AARS1: variants seen among roughly 807,000 people sequenced by gnomAD.
AARS1 encodes alanyl-tRNA synthetase 1.
Under a neutral mutation model 108.9 loss-of-function variants are expected in AARS1, and 72 were observed. The ratio of observed to expected loss-of-function variants is 0.66; its 90% CI spans 0.55 to 0.80. The LOEUF is 0.80. Among genes scored for constraint, AARS1 ranks in the 30% least tolerant of loss-of-function variants. AARS1 has a pLI of 0.00. For synonymous variants in AARS1, 489 were observed against 465.7 expected (o/e 1.05, Z -0.64); for missense variants, 1,193 against 1,233.2 (o/e 0.97, Z 0.49).
intron 3 of AARS1, 43 bp downstream of exon 3, chr16:70,276,923 C>T: frequency 6.2e-7 from 1 of 1,602,646 alleles, no homozygotes; most frequent in Admixed American, 1.7e-5. Flanking sequence ...TGGAAAAGAC[C>T]ATTTTCCTCA....
intron 7 of AARS1, 125 bp from the exon 8 acceptor site, chr16:70,268,504 G>A (rs755821203): frequency 2.7e-6 from 2 of 736,810 alleles, no homozygotes; most frequent in Non-Finnish European, 4.6e-6. Flanking sequence ...TGCTTCTTTC[G>A]CATTCCCCAA....
rs375747367 is a variant in AARS1 at position 70,254,750 on chromosome 16, G to A, written c.2287-16C>T. ...TCCTGAGGGCCTGGGAGGGGACACC[G>A]GGTCAACCCCAAGCAGGAGGTCTGA... On this transcript the variant is annotated splice_polypyrimidine_tract_variant and intron_variant, in intron 16 of 20. Coordinates refer to ENST00000261772, the MANE Select transcript of AARS1 (RefSeq NM_001605.3). 270 of 1,548,210 alleles carry A rather than the reference G, an allele frequency of 1.7e-4. No homozygotes were observed. The highest frequency in any genetic ancestry group is 5.6e-4 in the East Asian group (25 of 44,518).
rs1485992879 is a variant in AARS1 at position 70,282,759 on chromosome 16, T to C, written c.5A>G (p.Asp2Gly). 6.8e-6 allele frequency: 11 copies of C among 1,613,302 alleles called. No individual in the cohort carries two copies. Among genetic ancestry groups the C allele is most frequent in the Middle Eastern group, 1.6e-4 (1 of 6,082 alleles). The change falls in exon 2 of 21, where the codon GAC becomes GGC. Residue 2 changes from aspartate to glycine, a missense_variant. Coordinates refer to ENST00000261772, the MANE Select transcript of AARS1 (RefSeq NM_001605.3). Reference protein sequence around the residue: MDSTLTASEIRQ... With the variant: MGSTLTASEIRQ... ...GATTTCACTTGCTGTTAGAGTAGAG[T>C]CCATCTTGAAAGTCACCCCAAAGAA...
At position 70,288,982 on chromosome 16, in the gene AARS1, AG is replaced by A. The variant is rs941932871; in HGVS notation, c.-22+438del. Among the ~76,000 whole-genome samples, 26 of 152,206 alleles carry A rather than the reference AG, an allele frequency of 1.7e-4. 1 individual carries two copies. Among genetic ancestry groups the A allele is most frequent in the African/African-American group, 6.0e-4 (25 of 41,536 alleles). On this transcript the variant is annotated intron_variant, in intron 1 of 20. Transcript: ENST00000261772. ...TTCGGAATTAACTCACATGCTTCAA[AG>A]CACACCGAGAAATACAAACTGTTTT...
chr16:70,279,618 C>CCATTGCACT (rs1960642489), intron 2 of AARS1, among the ~76,000 whole-genome samples: 1 of 145,956 alleles, frequency 6.9e-6, no homozygotes, highest in Non-Finnish European at 1.5e-5. Flanking sequence ...CGAGATTTCA[C>CCATTGCACT]CATTGCACTC....
In AARS1 at chr16:70,254,213, TAG is replaced by T. The variant is rs371610807; in HGVS notation, c.2401-177_2401-176del. ...CTGTGGCAGGTGAAACAAGCAGGGC[TAG>T]AGAGAAAGGAGCAGCAGAAAGCTGG... On this transcript the variant is annotated intron_variant, in intron 17 of 20. Coordinates refer to ENST00000261772, the MANE Select transcript of AARS1 (RefSeq NM_001605.3). Among the ~76,000 whole-genome samples the T allele has an allele frequency of 9.4e-4, 143 of 152,208 alleles. No individual in the cohort carries two copies. The East Asian group carries it at 0.02, about 21-fold the overall frequency.
At position 70,254,011 on chromosome 16, in the gene AARS1, A is replaced by G. The variant is rs747782282; in HGVS notation, c.2428T>C (p.Trp810Arg). The change falls in exon 18 of 21, where the codon TGG (tryptophan) becomes CGG (arginine). Residue 810 changes from tryptophan (W) to arginine (R), a missense_variant. Transcript: ENST00000261772. ...EALATAVIPQ[W>R]QKDELRETLK... ...GTCTCCCGCAATTCATCCTTCTGCC[A>G]CTGGGGGATGACTGCAGTGGCCAGG... is the stretch of plus-strand genomic sequence containing the variant. 12 of 1,614,076 alleles carry G rather than the reference A, an allele frequency of 7.4e-6. No homozygotes were observed. Among genetic ancestry groups the G allele is most frequent in the Non-Finnish European group, 1.0e-5 (12 of 1,180,010 alleles).
intron 12 of AARS1, among the ~76,000 whole-genome samples, chr16:70,261,957 C>T (rs547860913): frequency 6.6e-6 from 1 of 152,234 alleles, no homozygotes; most frequent in Admixed American, 6.5e-5. Context: ...TCATGAGCCA[C>T]CACACCCAGC....
At chr16:70,272,095 C>T (rs1960420402) in intron 4 of AARS1, 123 bp from the exon 5 acceptor site, 1 of 850,304 alleles carries the variant, frequency 1.2e-6, no homozygotes, top group Non-Finnish European at 2.0e-6. Flanking sequence ...TACTGCACTC[C>T]AGCCTAGACA....
At chr16:70,255,865 G>A (rs751730381) in intron 15 of AARS1, 29 bp from the exon 16 acceptor site, 1 of 1,598,624 alleles carries the variant, frequency 6.3e-7, no homozygotes, top group Non-Finnish European at 8.5e-7. Flanking sequence ...AGTCCATAGT[G>A]AAAGAGGCCC....
chr16:70,268,213 T>A (rs1960312677), intron 8 of AARS1, 58 bp downstream of exon 8: 1 of 1,497,122 alleles, frequency 6.7e-7, no homozygotes, highest in South Asian at 1.1e-5. Context: ...CCTCTCCCAC[T>A]CCATCCCTCT....
chr16:70,261,172 G>A lies in AARS1; in HGVS notation c.1672-15C>T. The A allele has an allele frequency of 6.4e-7, 1 of 1,566,182 alleles. No homozygotes were observed. The highest frequency in any genetic ancestry group is 8.8e-7 in the Non-Finnish European group (1 of 1,136,950). Reference sequence around the variant, plus strand: ...AACTCTGTTTTCTAAGAGGGGTCAAGGAAGAGACCAATAAATAAATCCTTA... The same window carrying A: ...AACTCTGTTTTCTAAGAGGGGTCAAAGAAGAGACCAATAAATAAATCCTTA... On this transcript the variant is annotated splice_polypyrimidine_tract_variant and intron_variant, in intron 12 of 20. Coordinates refer to ENST00000261772, the MANE Select transcript of AARS1 (RefSeq NM_001605.3).
chr16:70,266,841 TC>T (rs1960275481), intron 9 of AARS1, among the ~76,000 whole-genome samples: 1 of 151,550 alleles, frequency 6.6e-6, no homozygotes, highest in African/African-American at 2.4e-5. Flanking sequence ...TATTTCTTTT[TC>T]TTTTTCTTTT....
intron 19 of AARS1, 21 bp from the exon 20 acceptor site, chr16:70,253,402 A>C: frequency 6.3e-7 from 1 of 1,581,854 alleles, no homozygotes; most frequent in Middle Eastern, 1.7e-4. Context: ...GACCTGGCTC[A>C]GGCCACGGTG....
intron 1 of AARS1, among the ~76,000 whole-genome samples, chr16:70,284,321 G>A (rs919048586): frequency 2.3e-5 from 3 of 128,786 alleles, no homozygotes; most frequent in Admixed American, 1.6e-4. Context: ...AAACAAAAAT[G>A]GCCGGGCGCG....
intron 14 of AARS1, 148 bp downstream of exon 14, chr16:70,258,832 G>C: frequency 1.1e-6 from 1 of 906,878 alleles, no homozygotes; most frequent in East Asian, 2.6e-5. Flanking sequence ...TGGGATTACA[G>C]GCGTGAGCTA....
In AARS1 at chr16:70,270,302, C is replaced by T. The variant is rs1413640757; in HGVS notation, c.710G>A (p.Ser237Asn). The T allele has an allele frequency of 6.2e-7, 1 of 1,614,040 alleles. No homozygotes were observed. The highest frequency in any genetic ancestry group is 8.5e-7 in the Non-Finnish European group (1 of 1,180,048). The change falls in exon 6 of 21, where the codon AGC becomes AAC. Residue 237 changes from serine to asparagine, a missense_variant. Ser to Asn is a conservative substitution (Grantham distance 46). Coordinates refer to ENST00000261772, the MANE Select transcript of AARS1 (RefSeq NM_001605.3). ...TTCCAGGCCCATCCCTGTGTCAATG[C>T]TTTTCTTGGGAAGAGGTTTCAGAAT... ...DGILKPLPKK[S>N]IDTGMGLERL...
intron 8 of AARS1, 145 bp downstream of exon 8, chr16:70,268,126 C>T (rs1482053223): frequency 3.7e-5 from 30 of 806,240 alleles, no homozygotes; most frequent in Non-Finnish European, 5.8e-5. Context: ...CAAGATCACT[C>T]TATTGCACTC....
At chr16:70,279,425 C>G (rs902496924) in intron 2 of AARS1, among the ~76,000 whole-genome samples, 3 of 149,676 alleles carry the variant, frequency 2.0e-5, no homozygotes, top group Admixed American at 6.7e-5. Flanking sequence ...TTTGGGAGGC[C>G]GAGATGTGCG....
Sources: gnomAD v4.1 joint callset for allele counts (sites outside exome capture counted in the v4.1 genomes callset) on GRCh38, gnomAD v4.1.1 for gene constraint, MANE v1.5 for transcripts, NCBI Gene and HGNC (gene_info 2026-07-23, HGNC 2026-07-21) for gene names.